OCIAD1: variants seen among roughly 807,000 people sequenced by gnomAD.
OCIAD1 encodes the protein OCIA domain-containing protein 1.
OCIAD1 carries 29 observed loss-of-function variants against 38.9 expected under a neutral mutation model. That is an observed-to-expected ratio of 0.74 (90% confidence interval 0.55 to 1.02). The LOEUF (loss-of-function observed/expected upper bound fraction) is 1.02. Ranked by LOEUF, OCIAD1 falls within the 50% of genes least tolerant of loss-of-function variation. The pLI, the probability that OCIAD1 is intolerant of heterozygous loss-of-function variation, is 0.00. For synonymous variants in OCIAD1, 110 were observed against 92.0 expected (o/e 1.20, Z -1.12); for missense variants, 288 against 289.6 (o/e 0.99, Z 0.04).
chr4:48,860,650 A>G (rs1175284901), intron 8 of OCIAD1, 75 bp from the exon 9 acceptor site: 2 of 1,097,160 alleles, frequency 1.8e-6, no homozygotes, highest in Non-Finnish European at 2.8e-6. Flanking sequence ...ACTTTTCATC[A>G]TAGCAACAAA....
At chr4:48,858,627 T>A (rs1780314099) in intron 8 of OCIAD1, among the ~76,000 whole-genome samples, 1 of 151,956 alleles carries the variant, frequency 6.6e-6, no homozygotes, top group South Asian at 2.1e-4. Context: ...CTGTTAAAAA[T>A]TTTTTTTGGT....
Position 48,833,425 on chromosome 4 carries a change from C to T in OCIAD1, c.83C>T (p.Thr28Ile). 1 of 1,604,622 alleles carries T rather than the reference C, an allele frequency of 6.2e-7. No homozygotes were observed. The highest frequency in any genetic ancestry group is 8.5e-7 in the Non-Finnish European group (1 of 1,172,224). Residue 28 changes from threonine to isoleucine, a missense_variant, in exon 3 of 9, where the codon ACA becomes ATA. Coordinates refer to ENST00000264312, the MANE Select transcript of OCIAD1 (RefSeq NM_017830.4). ...IPHIGPDYIP[T>I]EEERRVFAEC... ...GACATAGGGCCTGATTACATTCCAA[C>T]AGAGGAAGAAAGGAGAGTCTTCGCA...
chr4:48,832,906 C>G (rs1777646893), intron 2 of OCIAD1: 2 of 534,468 alleles, frequency 3.7e-6, no homozygotes, highest in Non-Finnish European at 6.7e-6. Context: ...GGTAGCCAGT[C>G]CTGACTAGCA....
chr4:48,839,561 A>G (rs1560424110), intron 3 of OCIAD1, among the ~76,000 whole-genome samples: 2 of 152,120 alleles, frequency 1.3e-5, no homozygotes, highest in Admixed American at 1.3e-4. Flanking sequence ...TTTCTTATCT[A>G]TAAAATGGGG....
At chr4:48,829,967 T>G (rs1190556988), upstream of OCIAD1, among the ~76,000 whole-genome samples, 1 of 152,170 alleles carries the variant, frequency 6.6e-6, no homozygotes, top group Non-Finnish European at 1.5e-5. Context: ...CTGGGGTGTA[T>G]TTCAGGGAAG....
chr4:48,818,866 G>A (rs1307280529), intron 1 of OCIAD1, among the ~76,000 whole-genome samples: 1 of 152,000 alleles, frequency 6.6e-6, no homozygotes, highest in East Asian at 1.9e-4. Context: ...ATGAAGACAA[G>A]ATTAGAGAAA....
At chr4:48,816,807 C>A (rs558068639) in intron 1 of OCIAD1, among the ~76,000 whole-genome samples, 2 of 149,922 alleles carry the variant, frequency 1.3e-5, no homozygotes, top group Admixed American at 6.6e-5. Flanking sequence ...CCTGTCTCTA[C>A]TAAAAATACA....
chr4:48,812,992 G>C (rs1777106618), intron 1 of OCIAD1, among the ~76,000 whole-genome samples: 1 of 152,174 alleles, frequency 6.6e-6, no homozygotes, highest in African/African-American at 2.4e-5. Context: ...CAAGTACAGG[G>C]CTGGTCTTGG....
At chr4:48,828,332 G>C (rs191272595), upstream of OCIAD1, among the ~76,000 whole-genome samples, 5 of 152,274 alleles carry the variant, frequency 3.3e-5, no homozygotes, top group African/African-American at 1.2e-4. Context: ...TGACCAATCA[G>C]CTCTCTGTAC....
At chr4:48,841,030 G>A (rs1354559273) in intron 3 of OCIAD1, among the ~76,000 whole-genome samples, 1 of 151,890 alleles carries the variant, frequency 6.6e-6, no homozygotes, top group African/African-American at 2.4e-5. Flanking sequence ...CATAAAATAA[G>A]ATAAAATGGT....
chr4:48,834,346 A>G (rs556124570), intron 3 of OCIAD1, among the ~76,000 whole-genome samples: 3 of 152,186 alleles, frequency 2.0e-5, no homozygotes, highest in Admixed American at 6.5e-5. Context: ...AAATTTTTCT[A>G]TTTCTAGTAG....
At chr4:48,834,846 T>G (rs1777840832) in intron 3 of OCIAD1, among the ~76,000 whole-genome samples, 1 of 152,238 alleles carries the variant, frequency 6.6e-6, no homozygotes, top group Non-Finnish European at 1.5e-5. Flanking sequence ...GTCAGCCTGA[T>G]ATGTATGCTT....
chr4:48,859,466 C>G (rs1306495945), intron 8 of OCIAD1, among the ~76,000 whole-genome samples: 1 of 152,088 alleles, frequency 6.6e-6, no homozygotes, highest in African/African-American at 2.4e-5. Flanking sequence ...GTACTTTACA[C>G]TGTATCAGAA....
chr4:48,855,953 A>G (rs1344381801), intron 7 of OCIAD1: 1 of 152,184 alleles, frequency 6.6e-6, no homozygotes, highest in East Asian at 1.9e-4. Context: ...TAAAAAGTTA[A>G]TATTAAAAGT....
intron 1 of OCIAD1, among the ~76,000 whole-genome samples, chr4:48,831,789 C>T (rs1473318525): frequency 6.6e-6 from 1 of 152,134 alleles, no homozygotes; most frequent in Non-Finnish European, 1.5e-5. Flanking sequence ...AAGGGGTTGG[C>T]ATGTAGTAGG....
chr4:48,805,266 A>G (rs1298265762), exon 1 of OCIAD1: 1 of 152,210 alleles, frequency 6.6e-6, no homozygotes, highest in Non-Finnish European at 1.5e-5. Flanking sequence ...TTGGAAGTGG[A>G]TACTGCAGCC....
intron 1 of OCIAD1, among the ~76,000 whole-genome samples, chr4:48,806,211 G>A (rs1161898812): frequency 6.6e-6 from 1 of 152,146 alleles, no homozygotes; most frequent in Non-Finnish European, 1.5e-5. Context: ...AGGTTGCAGT[G>A]AGCCGAGATC....
intron 7 of OCIAD1, 23 bp from the exon 8 acceptor site, chr4:48,857,190 T>C (rs1291906115): frequency 2.7e-6 from 4 of 1,456,788 alleles, no homozygotes; most frequent in Non-Finnish European, 3.6e-6. Flanking sequence ...TTATTACCAT[T>C]TATTAACTGT....
intron 4 of OCIAD1, among the ~76,000 whole-genome samples, chr4:48,848,155 G>A (rs1779127117): frequency 6.7e-6 from 1 of 150,302 alleles, no homozygotes; most frequent in Non-Finnish European, 1.5e-5. Flanking sequence ...ATATATATTT[G>A]GTCTATTGAC....
Sources: allele counts gnomAD v4.1 joint callset (sites outside exome capture counted in the v4.1 genomes callset), GRCh38; gene constraint gnomAD v4.1.1; transcripts MANE v1.5; gene names NCBI Gene and HGNC (gene_info 2026-07-23, HGNC 2026-07-21).